The following ENOX1 variants were observed in gnomAD, a reference collection of about 807,000 sequenced individuals.
ENOX1 encodes the protein candidate growth-related and time keeping constitutive hydroquinone (NADH) oxidase.
ENOX1 carries 42 observed loss-of-function variants against 82.5 expected under a neutral mutation model. The ratio of observed to expected loss-of-function variants is 0.51; its 90% CI spans 0.40 to 0.66. ENOX1 has a LOEUF of 0.66. Among genes scored for constraint, ENOX1 ranks in the 30% least tolerant of loss-of-function variants. ENOX1 has a pLI of 0.00. For missense variants in ENOX1, 608 were observed against 811.6 expected (o/e 0.75, Z 3.05); for synonymous variants, 271 against 282.2 (o/e 0.96, Z 0.40).
chr13:43,472,612 G>A (rs1318624019), intron 3 of ENOX1, among the ~76,000 whole-genome samples: 1 of 152,108 alleles, frequency 6.6e-6, no homozygotes, highest in African/African-American at 2.4e-5. Context: ...AAAATGTGGA[G>A]CATCATATCT....
intron 5 of ENOX1, among the ~76,000 whole-genome samples, chr13:43,386,272 C>T (rs2052404792): frequency 6.6e-6 from 1 of 152,178 alleles, no homozygotes; most frequent in Admixed American, 6.5e-5. Flanking sequence ...ATTCATGTTA[C>T]ACATCCCTCT....
At chr13:43,716,730 A>G (rs2153816282) in intron 1 of ENOX1, among the ~76,000 whole-genome samples, 1 of 152,138 alleles carries the variant, frequency 6.6e-6, no homozygotes, top group South Asian at 2.1e-4. Context: ...AGTCCTATAC[A>G]GCTATAACAT....
At chr13:43,578,931 A>G (rs2080568945) in intron 2 of ENOX1, among the ~76,000 whole-genome samples, 1 of 152,132 alleles carries the variant, frequency 6.6e-6, no homozygotes, top group Non-Finnish European at 1.5e-5. Context: ...ACTAGATTTA[A>G]TAGGTATTAT....
chr13:43,749,567 A>G (rs942458147), intron 1 of ENOX1, among the ~76,000 whole-genome samples: 1 of 152,252 alleles, frequency 6.6e-6, no homozygotes, highest in African/African-American at 2.4e-5. Context: ...GCAAAGATGC[A>G]CCTGTTTCCC....
rs981530455 is a variant in ENOX1 at position 43,471,210 on chromosome 13, T to C, written c.-75+12799A>G. ...AACATTATGCTATATGAAAGGAGCC[T>C]GACACGAAAGAGTATATAGAGTATG... On this transcript the variant is annotated intron_variant, in intron 3 of 16. Transcript: ENST00000690772. 2.0e-5 allele frequency among the ~76,000 whole-genome samples: 3 copies of C among 152,134 alleles called. No homozygotes were observed. The South Asian group carries it at 6.2e-4, about 32-fold the overall frequency.
At chr13:43,711,081 C>T (rs1277228132) in intron 1 of ENOX1, among the ~76,000 whole-genome samples, 1 of 120,570 alleles carries the variant, frequency 8.3e-6, no homozygotes, top group Non-Finnish European at 1.7e-5. Flanking sequence ...CCCCCCACCC[C>T]ACAACAGTCC....
At chr13:43,548,175 T>G (rs1339788414) in intron 2 of ENOX1, 1 of 152,226 alleles carries the variant, frequency 6.6e-6, no homozygotes, top group African/African-American at 2.4e-5. Context: ...AAAAGGAGTT[T>G]CTATTTCAGA....
chr13:43,393,982 C>T (rs2052971588), intron 5 of ENOX1, among the ~76,000 whole-genome samples: 1 of 152,166 alleles, frequency 6.6e-6, no homozygotes, highest in African/African-American at 2.4e-5. Flanking sequence ...CCTCCTCTCT[C>T]TCTTGTTCCC....
At chr13:43,522,790 T>C (rs534326166) in intron 2 of ENOX1, among the ~76,000 whole-genome samples, 2 of 152,270 alleles carry the variant, frequency 1.3e-5, no homozygotes, top group East Asian at 3.9e-4. Context: ...TATCATGTCA[T>C]AAAAGAAGGG....
intron 1 of ENOX1, among the ~76,000 whole-genome samples, chr13:43,743,750 T>C (rs968638122): frequency 6.6e-6 from 1 of 152,182 alleles, no homozygotes; most frequent in Non-Finnish European, 1.5e-5. Context: ...AGCAGCTGTC[T>C]TAGTCTGTTT....
intron 2 of ENOX1, among the ~76,000 whole-genome samples, chr13:43,552,789 T>A (rs377462642): frequency 3.2e-4 from 48 of 152,324 alleles, no homozygotes; most frequent in South Asian, 2.9e-3. Context: ...GACTAGGCAA[T>A]CAGTTATTTG....
chr13:43,638,366 A>AATGGAATTAACTTGCACTATCATC (rs2083490917), intron 2 of ENOX1, among the ~76,000 whole-genome samples: 1 of 152,004 alleles, frequency 6.6e-6, no homozygotes, highest in Non-Finnish European at 1.5e-5. Flanking sequence ...CACCCAAGGA[A>AATGGAATTAACTTGCACTATCATC]ATGGAATTAA....
chr13:43,534,509 G>A (rs906709338), intron 2 of ENOX1, among the ~76,000 whole-genome samples: 5 of 152,146 alleles, frequency 3.3e-5, no homozygotes, highest in Non-Finnish European at 7.4e-5. Context: ...AACTCCTAGA[G>A]GGTAAAGACA....
intron 1 of ENOX1, among the ~76,000 whole-genome samples, chr13:43,761,733 T>C (rs1303863257): frequency 1.3e-5 from 2 of 152,220 alleles, no homozygotes; most frequent in Admixed American, 1.3e-4. Context: ...GCTCACCATG[T>C]TCTTGCAGCT....
chr13:43,595,606 G>C (rs1029506198), intron 2 of ENOX1, among the ~76,000 whole-genome samples: 1 of 152,118 alleles, frequency 6.6e-6, no homozygotes, highest in Non-Finnish European at 1.5e-5. Context: ...TAGGGTCATA[G>C]GGTCAATGGT....
At position 43,336,391 on chromosome 13, in the gene ENOX1, T is replaced by A. The variant is rs191875160; in HGVS notation, c.1036+8147A>T. On this transcript the variant is annotated intron_variant, in intron 9 of 16. Coordinates refer to ENST00000690772, the MANE Select transcript of ENOX1 (RefSeq NM_001347969.2). ...GAATGAATTTAATCATTCAGACACTTGAGGCTTTTACAATTTTACCCAAGA... is the reference window on the plus strand; with the variant it reads ...GAATGAATTTAATCATTCAGACACTAGAGGCTTTTACAATTTTACCCAAGA... 2.0e-5 allele frequency among the ~76,000 whole-genome samples: 3 copies of A among 152,316 alleles called. No homozygotes were observed. In the East Asian group the frequency reaches 5.8e-4, roughly 29 times the overall value.
chr13:43,658,001 T>C (rs1016480373), intron 2 of ENOX1, among the ~76,000 whole-genome samples: 4 of 152,188 alleles, frequency 2.6e-5, no homozygotes, highest in African/African-American at 9.7e-5. Flanking sequence ...GGTGGTGAAA[T>C]GGCTTGTTTT....
In ENOX1 at chr13:43,675,607, G is replaced by A. The variant is rs539831131; in HGVS notation, c.-284-8063C>T. ...TTTTAAATCATGTCAGCAATCTTTC[G>A]AAGAACAGAGAGGCAGGGTTGTTAT... is the stretch of plus-strand genomic sequence containing the variant. On this transcript the variant is annotated intron_variant, in intron 1 of 16. Coordinates refer to ENST00000690772, the MANE Select transcript of ENOX1 (RefSeq NM_001347969.2). Among the ~76,000 whole-genome samples the A allele has an allele frequency of 6.3e-4, 96 of 152,122 alleles. 1 individual carries two copies. The highest frequency in any genetic ancestry group is 1.4e-3 in the South Asian group (7 of 4,832).
intron 1 of ENOX1, among the ~76,000 whole-genome samples, chr13:43,675,829 G>C (rs746458283): frequency 1.3e-5 from 2 of 152,112 alleles, no homozygotes; most frequent in Admixed American, 6.5e-5. Context: ...GAACATTCTC[G>C]GATGAGGTAA....
Sources: gnomAD v4.1 joint callset for allele counts (sites outside exome capture counted in the v4.1 genomes callset) on GRCh38, gnomAD v4.1.1 for gene constraint, MANE v1.5 for transcripts, NCBI Gene and HGNC (gene_info 2026-07-23, HGNC 2026-07-21) for gene names.